RIC1: variants seen among roughly 807,000 people sequenced by gnomAD.
RIC1 encodes the protein guanine nucleotide exchange factor subunit RIC1.
A neutral mutation model predicts 169.0 loss-of-function variants in RIC1; 88 were observed. That is an observed-to-expected ratio of 0.52 (90% CI 0.44 to 0.62). The LOEUF is 0.62. Among genes scored for constraint, RIC1 ranks in the 20% least tolerant of loss-of-function variants. The probability of loss-of-function intolerance (pLI) is 0.00; values close to 1 mark genes in which losing one functional copy is unlikely to be tolerated. For missense variants in RIC1, 1,877 were observed against 1,725.5 expected (o/e 1.09, Z -1.56); for synonymous variants, 790 against 601.5 (o/e 1.31, Z -4.59).
intron 3 of RIC1, among the ~76,000 whole-genome samples, chr9:5,702,246 T>G (rs1442916858): frequency 1.3e-5 from 2 of 152,234 alleles, no homozygotes; most frequent in Non-Finnish European, 2.9e-5. Flanking sequence ...GAATTCTTTG[T>G]AAAGAGAGTA....
chr9:5,656,776 C>T (rs1819125566), intron 2 of RIC1, 86 bp downstream of exon 2: 1 of 774,434 alleles, frequency 1.3e-6, no homozygotes, highest in Non-Finnish European at 2.2e-6. Flanking sequence ...GACTTTCTTT[C>T]AGTCTTTTGC....
chr9:5,658,315 T>C (rs751330285), intron 2 of RIC1, among the ~76,000 whole-genome samples: 4 of 152,098 alleles, frequency 2.6e-5, no homozygotes, highest in African/African-American at 7.2e-5. Flanking sequence ...TAAGCACTTA[T>C]CAGAATGTAC....
chr9:5,645,199 G>C (rs1182657125), intron 1 of RIC1, among the ~76,000 whole-genome samples: 1 of 151,968 alleles, frequency 6.6e-6, no homozygotes, highest in Non-Finnish European at 1.5e-5. Context: ...GACTACAGAT[G>C]CCCAACAGCA....
chr9:5,769,252 A>T lies in RIC1; in HGVS notation c.3420A>T (p.Arg1140=). Residue 1140 remains arginine (R), a synonymous_variant, in exon 22 of 26, where the codon CGA becomes CGT. Transcript: ENST00000414202. ...CTCCTTTCAAAAATGGAAAATACCG[A>T]ACTGGTAATGTAGACTTCATGTCAC... ...ISSPFKNGKY[R]TVGEQLLKSQ... is the part of the protein sequence containing the mutation. 2 of 1,614,072 alleles carry T rather than the reference A, an allele frequency of 1.2e-6. No homozygotes were observed. Among genetic ancestry groups the T allele is most frequent in the African/African-American group, 1.3e-5 (1 of 75,048 alleles).
At chr9:5,645,536 T>C (rs1818462397) in intron 1 of RIC1, among the ~76,000 whole-genome samples, 1 of 152,232 alleles carries the variant, frequency 6.6e-6, no homozygotes, top group Non-Finnish European at 1.5e-5. Context: ...CTTCGTACCC[T>C]GTAAATGGTA....
In RIC1 at chr9:5,745,191, C is replaced by G. The variant is rs75413641; in HGVS notation, c.1096-740C>G. 7.1e-3 allele frequency among the ~76,000 whole-genome samples: 1,083 copies of G among 152,236 alleles called. 15 individuals are homozygous for G. The highest frequency in any genetic ancestry group is 0.024 in the African/African-American group (992 of 41,552). On this transcript the variant is annotated intron_variant, in intron 10 of 25. Coordinates refer to ENST00000414202, the MANE Select transcript of RIC1 (RefSeq NM_020829.4). ...AGAATCTAAGCATTATTAGTTAAAACTTAGGCAGCTTTATCATAGGAAAAC... is the reference window on the plus strand; with the variant it reads ...AGAATCTAAGCATTATTAGTTAAAAGTTAGGCAGCTTTATCATAGGAAAAC...
At chr9:5,662,364 T>A (rs1040622072) in intron 2 of RIC1, among the ~76,000 whole-genome samples, 5 of 152,166 alleles carry the variant, frequency 3.3e-5, no homozygotes, top group Admixed American at 2.0e-4. Flanking sequence ...TAAGGAGGAA[T>A]CCCTAATTTT....
At chr9:5,717,610 C>T (rs151160167) in intron 4 of RIC1, among the ~76,000 whole-genome samples, 138 of 152,174 alleles carry the variant, frequency 9.1e-4, no homozygotes, top group Admixed American at 1.6e-3. Flanking sequence ...ACTGGGAGGC[C>T]GAGGCGGGTG....
At chr9:5,679,863 A>G (rs951048761) in intron 2 of RIC1, among the ~76,000 whole-genome samples, 3 of 152,088 alleles carry the variant, frequency 2.0e-5, no homozygotes, top group Non-Finnish European at 4.4e-5. Context: ...CCTGGCCAGA[A>G]CTTCCAACAC....
chr9:5,721,613 G>T (rs1587018048), intron 6 of RIC1, among the ~76,000 whole-genome samples: 2 of 152,310 alleles, frequency 1.3e-5, no homozygotes, highest in South Asian at 4.1e-4. Context: ...TTTCATCTGG[G>T]ACAAGGAGTC....
intron 3 of RIC1, among the ~76,000 whole-genome samples, chr9:5,702,982 A>T (rs971397293): frequency 6.6e-6 from 1 of 152,222 alleles, no homozygotes; most frequent in Non-Finnish European, 1.5e-5. Flanking sequence ...ACAATTTGAC[A>T]TAAGATTTGT....
downstream of RIC1, among the ~76,000 whole-genome samples, chr9:5,777,486 C>A (rs1303893954): frequency 6.6e-6 from 1 of 151,768 alleles, no homozygotes; most frequent in African/African-American, 2.4e-5. Flanking sequence ...ATTACAATCA[C>A]ACGGACTCTG....
At chr9:5,637,872 T>G (rs1450480827) in intron 1 of RIC1, among the ~76,000 whole-genome samples, 4 of 152,212 alleles carry the variant, frequency 2.6e-5, no homozygotes, top group African/African-American at 9.6e-5. Context: ...TGATGGACAC[T>G]TCCAGTACTG....
intron 3 of RIC1, among the ~76,000 whole-genome samples, chr9:5,701,709 G>A (rs1010391994): frequency 3.3e-5 from 5 of 151,532 alleles, no homozygotes; most frequent in South Asian, 2.1e-4. Context: ...TGTATAATTC[G>A]TACTATAACA....
chr9:5,736,132 A>C (rs564106610), intron 7 of RIC1, among the ~76,000 whole-genome samples: 39 of 152,354 alleles, frequency 2.6e-4, no homozygotes, highest in African/African-American at 8.9e-4. Flanking sequence ...CCTCACTAAC[A>C]TTTTAGAGCT....
At chr9:5,718,633 C>T (rs983714489) in intron 4 of RIC1, among the ~76,000 whole-genome samples, 5 of 152,172 alleles carry the variant, frequency 3.3e-5, no homozygotes, top group African/African-American at 1.2e-4. Context: ...TACATATTTT[C>T]ATAGCATATA....
In RIC1 at chr9:5,678,212, A is replaced by G. The variant is rs201892165; in HGVS notation, c.253-11747A>G. 5.3e-5 allele frequency among the ~76,000 whole-genome samples: 8 copies of G among 151,806 alleles called. No individual in the cohort carries two copies. The South Asian group carries it at 6.3e-4, about 12-fold the overall frequency. ...TTATGGCTGCATAGTATTCCATGGT[A>G]TATATGTGCCACATTTTCTTAATCC... On this transcript the variant is annotated intron_variant, in intron 2 of 25. Transcript: ENST00000414202.
chr9:5,649,618 A>G (rs924215443), intron 1 of RIC1, among the ~76,000 whole-genome samples: 21 of 151,686 alleles, frequency 1.4e-4, no homozygotes, highest in African/African-American at 4.4e-4. Context: ...TGTGTTCTCT[A>G]TCTCACTGAG....
At chr9:5,687,583 T>G (rs1563901036) in intron 2 of RIC1, among the ~76,000 whole-genome samples, 1 of 152,172 alleles carries the variant, frequency 6.6e-6, no homozygotes, top group South Asian at 2.1e-4. Flanking sequence ...CATGGGTTAT[T>G]TAGAAGTATG....
Sources: gnomAD v4.1 joint callset for allele counts (sites outside exome capture counted in the v4.1 genomes callset) on GRCh38, gnomAD v4.1.1 for gene constraint, MANE v1.5 for transcripts, NCBI Gene and HGNC (gene_info 2026-07-23, HGNC 2026-07-21) for gene names.